Variants in PTPRE observed in about 807,000 individuals in gnomAD.
PTPRE encodes receptor-type tyrosine-protein phosphatase epsilon.
PTPRE carries 51 observed loss-of-function variants against 102.0 expected under a neutral mutation model. The observed-to-expected ratio is 0.50, with a 90% CI of 0.40 to 0.63. The LOEUF (loss-of-function observed/expected upper bound fraction) is 0.63. Among genes scored for constraint, PTPRE ranks in the 30% least tolerant of loss-of-function variants. The probability of loss-of-function intolerance (pLI) is 0.00; values close to 1 mark genes in which losing one functional copy is unlikely to be tolerated. For missense variants in PTPRE, 752 were observed against 915.1 expected (o/e 0.82, Z 2.30); for synonymous variants, 345 against 348.2 (o/e 0.99, Z 0.10).
chr10:127,968,669 T>G (rs1399848113), intron 1 of PTPRE, among the ~76,000 whole-genome samples: 1 of 152,260 alleles, frequency 6.6e-6, no homozygotes, highest in Non-Finnish European at 1.5e-5. Flanking sequence ...TCTTCACTGC[T>G]CACTTGTCAA....
chr10:128,027,120 GA>G (rs1196832618), intron 2 of PTPRE, among the ~76,000 whole-genome samples: 2 of 152,228 alleles, frequency 1.3e-5, no homozygotes, highest in African/African-American at 4.8e-5. Context: ...ATTTCCTAGA[GA>G]GGGTATTAGC....
intron 1 of PTPRE, among the ~76,000 whole-genome samples, chr10:127,932,954 A>G (rs1847557198): frequency 6.6e-6 from 1 of 152,128 alleles, no homozygotes; most frequent in Admixed American, 6.5e-5. Context: ...GGCTGTCCCG[A>G]TGCTTTAGCG....
At chr10:127,952,880 A>T (rs377157878) in intron 1 of PTPRE, among the ~76,000 whole-genome samples, 3 of 152,190 alleles carry the variant, frequency 2.0e-5, no homozygotes, top group Non-Finnish European at 4.4e-5. Context: ...CTCTGGACTT[A>T]TAGGTTAGAC....
intron 2 of PTPRE, among the ~76,000 whole-genome samples, chr10:128,032,173 G>A (rs191519152): frequency 2.6e-5 from 4 of 152,040 alleles, no homozygotes; most frequent in African/African-American, 9.6e-5. Context: ...CTGCCACCAC[G>A]TCTGGCTAAT....
intron 1 of PTPRE, among the ~76,000 whole-genome samples, chr10:127,936,707 G>T (rs1034697689): frequency 6.6e-6 from 1 of 152,146 alleles, no homozygotes; most frequent in Admixed American, 6.5e-5. Flanking sequence ...AGTCCGTGGG[G>T]CTGAGAGGTG....
intron 2 of PTPRE, among the ~76,000 whole-genome samples, chr10:127,992,239 G>A (rs924766584): frequency 2.0e-5 from 3 of 152,074 alleles, no homozygotes; most frequent in African/African-American, 7.2e-5. Flanking sequence ...CAGAGGTGGG[G>A]CCTGTGAGGC....
At chr10:127,936,439 G>A (rs1165691463) in intron 1 of PTPRE, among the ~76,000 whole-genome samples, 2 of 152,212 alleles carry the variant, frequency 1.3e-5, no homozygotes, top group Non-Finnish European at 2.9e-5. Context: ...AATTAATAGT[G>A]TGTATTTTCT....
At chr10:127,975,737 G>A (rs548332044) in intron 1 of PTPRE, among the ~76,000 whole-genome samples, 25 of 152,288 alleles carry the variant, frequency 1.6e-4, no homozygotes, top group Middle Eastern at 6.8e-3. Context: ...GTTACCATTA[G>A]CGTCAGGCAC....
intron 2 of PTPRE, among the ~76,000 whole-genome samples, chr10:128,015,990 A>G (rs2135650979): frequency 6.6e-6 from 1 of 152,160 alleles, no homozygotes; most frequent in East Asian, 1.9e-4. Flanking sequence ...ACTTAGAGGA[A>G]GCTCAAGGGC....
chr10:128,063,574 T>C (rs966114218), intron 10 of PTPRE, among the ~76,000 whole-genome samples: 2 of 152,212 alleles, frequency 1.3e-5, no homozygotes, highest in Admixed American at 6.5e-5. Flanking sequence ...ACTAGAGAAA[T>C]GCTTTTGGAA....
rs1590280153 is a variant in PTPRE, at chr10:128,085,756, C to G, written c.*2850C>G. The G allele has an allele frequency of 2.6e-5, 4 of 152,450 alleles. No homozygotes were observed. Among genetic ancestry groups the G allele is most frequent in the African/African-American group, 9.7e-5 (4 of 41,388 alleles). 9.4% of individuals were successfully genotyped at this position (152,450 alleles called of 1,614,324 possible). On this transcript the variant is annotated 3_prime_UTR_variant, in exon 21 of 21. Coordinates refer to ENST00000254667, the MANE Select transcript of PTPRE (RefSeq NM_006504.6). The stretch of plus-strand genomic sequence containing the variant: ...ATTACATTTATAATTTGATCTTGCT[C>G]TGATTATAATGCCAGTGAATGTTGC...
At chr10:127,930,797 C>CTTT (rs199628202) in intron 1 of PTPRE, among the ~76,000 whole-genome samples, 1 of 143,872 alleles carries the variant, frequency 7.0e-6, no homozygotes, top group African/African-American at 2.5e-5. Context: ...TATTTATTTA[C>CTTT]TTTTTTTTTT....
intron 2 of PTPRE, among the ~76,000 whole-genome samples, chr10:128,034,534 A>G (rs1263093786): frequency 2.6e-5 from 4 of 152,170 alleles, no homozygotes; most frequent in South Asian, 2.1e-4. Flanking sequence ...TCTTTACGAA[A>G]AAAAGTCTTA....
chr10:127,969,842 C>T (rs962759690), intron 1 of PTPRE, among the ~76,000 whole-genome samples: 10 of 152,086 alleles, frequency 6.6e-5, no homozygotes, highest in African/African-American at 2.2e-4. Context: ...CACGTGCCTC[C>T]GGCACTTCAT....
At chr10:127,983,039 C>T (rs570619054) in intron 2 of PTPRE, among the ~76,000 whole-genome samples, 1 of 152,300 alleles carries the variant, frequency 6.6e-6, no homozygotes, top group East Asian at 1.9e-4. Context: ...TACCGGTCAC[C>T]AGGAAGCTGT....
intron 17 of PTPRE, 82 bp downstream of exon 17, chr10:128,073,553 C>A: frequency 6.7e-7 from 1 of 1,496,698 alleles, no homozygotes; most frequent in Non-Finnish European, 9.0e-7. Flanking sequence ...AAATGTCCCA[C>A]CTGCCATCAC....
At chr10:128,044,327 A>C (rs1847927553) in intron 3 of PTPRE, among the ~76,000 whole-genome samples, 1 of 152,146 alleles carries the variant, frequency 6.6e-6, no homozygotes, top group Admixed American at 6.5e-5. Flanking sequence ...TGGGAGAGGA[A>C]AAGAGGGATG....
chr10:128,006,178 T>C (rs924914995), intron 2 of PTPRE, among the ~76,000 whole-genome samples: 1 of 152,254 alleles, frequency 6.6e-6, no homozygotes, highest in African/African-American at 2.4e-5. Context: ...AGCTGGCTGA[T>C]GACCCATTCC....
At position 128,079,679 on chromosome 10, in the gene PTPRE, A is replaced by G; in HGVS notation, c.2012A>G (p.His671Arg). The G allele has an allele frequency of 6.2e-7, 1 of 1,613,356 alleles. No homozygotes were observed. The highest frequency in any genetic ancestry group is 8.5e-7 in the Non-Finnish European group (1 of 1,179,260). Residue 671 changes from histidine (H) to arginine (R), a missense_variant, in exon 20 of 21, where the codon CAT becomes CGT. His to Arg is a conservative substitution (Grantham distance 29). This residue lies in a region of PTPRE where 636 missense variants were observed against 824.4 expected (regional missense o/e 0.77). Coordinates refer to ENST00000254667, the MANE Select transcript of PTPRE (RefSeq NM_006504.6). ...AAGAGTTTACGACTTCAGAGACCAC[A>G]TATGGTGCAAACCCTGGTAAGAATC... is the stretch of plus-strand genomic sequence containing the variant. ...AVKSLRLQRP[H>R]MVQTLEQYEF...
Sources: allele counts gnomAD v4.1 joint callset (sites outside exome capture counted in the v4.1 genomes callset), GRCh38; gene constraint gnomAD v4.1.1; regional missense constraint gnomAD v4.1.1; transcripts MANE v1.5; gene names NCBI Gene and HGNC (gene_info 2026-07-23, HGNC 2026-07-21).